Variants in SLC24A3 observed in about 807,000 individuals in gnomAD.
SLC24A3 encodes solute carrier family 24 member 3, also known as sodium/potassium/calcium exchanger 3.
A neutral mutation model predicts 75.8 loss-of-function variants in SLC24A3; 28 were observed. That is an observed-to-expected ratio of 0.37 (90% CI 0.27 to 0.51). The LOEUF is 0.51. Among genes scored for constraint, SLC24A3 ranks in the 20% least tolerant of loss-of-function variants. SLC24A3 has a pLI of 0.94. For missense variants in SLC24A3, 663 were observed against 847.8 expected, an observed-to-expected ratio of 0.78 and a Z score of 2.71; for synonymous variants, 372 against 334.1, an observed-to-expected ratio of 1.11 and a Z score of -1.24.
At chr20:19,630,061 C>T (rs938447145) in intron 6 of SLC24A3, among the ~76,000 whole-genome samples, 24 of 152,202 alleles carry the variant, frequency 1.6e-4, no homozygotes, top group African/African-American at 5.5e-4. Flanking sequence ...ATTTAAAAGA[C>T]ATAGGTATAA....
chr20:19,590,020 G>A (rs2031351639), intron 6 of SLC24A3, among the ~76,000 whole-genome samples: 1 of 152,038 alleles, frequency 6.6e-6, no homozygotes, highest in Non-Finnish European at 1.5e-5. Flanking sequence ...GTGTTCTTTG[G>A]AAGTTTTGAG....
At chr20:19,373,306 C>T (rs1017557205) in intron 2 of SLC24A3, among the ~76,000 whole-genome samples, 2 of 152,236 alleles carry the variant, frequency 1.3e-5, no homozygotes, top group African/African-American at 4.8e-5. Flanking sequence ...TTGTCCTGCC[C>T]AGGTCCAGCC....
chr20:19,508,306 G>T (rs1169337975), intron 2 of SLC24A3, among the ~76,000 whole-genome samples: 1 of 152,160 alleles, frequency 6.6e-6, no homozygotes, highest in Non-Finnish European at 1.5e-5. Context: ...CCCTCAAGTT[G>T]CATGGGTATT....
intron 2 of SLC24A3, among the ~76,000 whole-genome samples, chr20:19,397,704 G>A (rs1466025803): frequency 7.7e-6 from 1 of 129,352 alleles, no homozygotes; most frequent in African/African-American, 2.8e-5. Context: ...ACAAGGTAAA[G>A]ATTCTAAAGT....
At chr20:19,681,715 T>A in intron 9 of SLC24A3, 143 bp from the exon 10 acceptor site, 1 of 1,296,194 alleles carries the variant, frequency 7.7e-7, no homozygotes, top group Non-Finnish European at 1.1e-6. Context: ...GGGGAATGGG[T>A]TGAGAAAATT....
intron 8 of SLC24A3, among the ~76,000 whole-genome samples, chr20:19,670,036 G>A (rs1214789329): frequency 3.3e-5 from 5 of 152,168 alleles, no homozygotes; most frequent in Non-Finnish European, 7.3e-5. Flanking sequence ...AAGGAGGGCC[G>A]GGTGACTTCC....
intron 4 of SLC24A3, among the ~76,000 whole-genome samples, chr20:19,580,701 C>T (rs2031206868): frequency 6.6e-6 from 1 of 152,220 alleles, no homozygotes; most frequent in Non-Finnish European, 1.5e-5. Flanking sequence ...TTGCCTCTTT[C>T]ATCTCTGTCT....
At chr20:19,414,506 A>G (rs1374238705) in intron 2 of SLC24A3, among the ~76,000 whole-genome samples, 1 of 152,198 alleles carries the variant, frequency 6.6e-6, no homozygotes, top group African/African-American at 2.4e-5. Flanking sequence ...GTGTGGCATG[A>G]AAAAACTTTT....
chr20:19,601,537 C>T (rs761264575), intron 6 of SLC24A3, among the ~76,000 whole-genome samples: 7 of 152,320 alleles, frequency 4.6e-5, no homozygotes, highest in Admixed American at 3.3e-4. Flanking sequence ...CCTTCTGACT[C>T]CTGCCCTGTT....
intron 2 of SLC24A3, among the ~76,000 whole-genome samples, chr20:19,381,571 A>T (rs952017015): frequency 4.6e-5 from 7 of 152,198 alleles, no homozygotes; most frequent in Non-Finnish European, 1.0e-4. Context: ...GTGTGCCCAG[A>T]GCTTCTGTTA....
chr20:19,488,765 TTTAA>T (rs1248620609), intron 2 of SLC24A3, among the ~76,000 whole-genome samples: 1 of 152,196 alleles, frequency 6.6e-6, no homozygotes, highest in Non-Finnish European at 1.5e-5. Context: ...AAATACAAAA[TTTAA>T]TTATGTTTTA....
intron 2 of SLC24A3, among the ~76,000 whole-genome samples, chr20:19,350,134 T>C (rs1172353437): frequency 1.3e-5 from 2 of 152,196 alleles, no homozygotes; most frequent in Non-Finnish European, 2.9e-5. Context: ...AGTTACCCAC[T>C]CTGCTATTTA....
At chr20:19,678,731 TCCTCATTTCTCAGACGGGGCGGCTGCC>T (rs1360078100) in intron 9 of SLC24A3, among the ~76,000 whole-genome samples, 9 of 140,948 alleles carry the variant, frequency 6.4e-5, no homozygotes, top group African/African-American at 1.7e-4. Context: ...GCGGAGGGGC[TCCTCATTTCTCAGACGGGGCGGCTGCC>T]GGGCGGAGGG....
At chr20:19,223,690 A>G (rs1268635502) in intron 1 of SLC24A3, among the ~76,000 whole-genome samples, 2 of 151,448 alleles carry the variant, frequency 1.3e-5, no homozygotes, top group Non-Finnish European at 3.0e-5. Context: ...CTCTCTCAAA[A>G]TATCTTCTTG....
At chr20:19,515,939 C>T (rs1173610205) in intron 3 of SLC24A3, among the ~76,000 whole-genome samples, 1 of 152,238 alleles carries the variant, frequency 6.6e-6, no homozygotes, top group Non-Finnish European at 1.5e-5. Flanking sequence ...TGTTTTCCTC[C>T]ATGCTATCTG....
intron 3 of SLC24A3, among the ~76,000 whole-genome samples, chr20:19,568,701 T>A (rs2031001475): frequency 1.3e-5 from 2 of 152,216 alleles, no homozygotes; most frequent in South Asian, 4.1e-4. Flanking sequence ...TTTCATGGCA[T>A]GAATGCACCA....
At chr20:19,290,746 A>T (rs952850770) in intron 2 of SLC24A3, among the ~76,000 whole-genome samples, 1 of 152,178 alleles carries the variant, frequency 6.6e-6, no homozygotes, top group African/African-American at 2.4e-5. Context: ...AAGCTGGCTC[A>T]GGGTAGAATA....
chr20:19,694,122 T>C (rs568197934), intron 13 of SLC24A3: 5 of 152,360 alleles, frequency 3.3e-5, no homozygotes, highest in African/African-American at 4.8e-5. Context: ...TGATTGACAT[T>C]GACTGATATT....
chr20:19,318,020 C>A (rs1984622812), intron 2 of SLC24A3, among the ~76,000 whole-genome samples: 1 of 152,208 alleles, frequency 6.6e-6, no homozygotes, highest in Admixed American at 6.5e-5. Flanking sequence ...TTGTGCATGG[C>A]AGGCTGGAAA....
Sources: allele counts gnomAD v4.1 joint callset (sites outside exome capture counted in the v4.1 genomes callset), GRCh38; gene constraint gnomAD v4.1.1; transcripts MANE v1.5; gene names NCBI Gene and HGNC (gene_info 2026-07-23, HGNC 2026-07-21).